The following KSR2 variants were observed in gnomAD, a reference collection of about 807,000 sequenced individuals.
KSR2 encodes the protein kinase suppressor of ras 2.
In KSR2, 25 loss-of-function variants were observed where a neutral mutation model predicts 107.8. The ratio of observed to expected loss-of-function variants is 0.23; its 90% confidence interval spans 0.17 to 0.32. KSR2 has a LOEUF of 0.32. Ranked by LOEUF, KSR2 falls within the 10% of genes least tolerant of loss-of-function variation. KSR2 has a pLI of 1.00. For missense variants in KSR2, 887 were observed against 1,268.9 expected, an observed-to-expected ratio of 0.70 and a Z score of 4.57; for synonymous variants, 480 against 507.0, an observed-to-expected ratio of 0.95 and a Z score of 0.71.
chr12:117,484,681 T>C, intron 15 of KSR2, 132 bp from the exon 16 acceptor site: 1 of 891,394 alleles, frequency 1.1e-6, no homozygotes, highest in Non-Finnish European at 1.7e-6. Flanking sequence ...AGGCAGGGCC[T>C]GGGGTCTGAC....
intron 14 of KSR2, among the ~76,000 whole-genome samples, chr12:117,496,179 G>A (rs1239800109): frequency 2.0e-5 from 3 of 152,168 alleles, no homozygotes; most frequent in Non-Finnish European, 4.4e-5. Flanking sequence ...CCAAGCTGCT[G>A]GGCATCTGGG....
Position 117,961,491 on chromosome 12 carries a change from A to G in KSR2, c.180+6585T>C, listed in dbSNP as rs145198478. 3.9e-3 allele frequency among the ~76,000 whole-genome samples: 598 copies of G among 152,270 alleles called. 7 individuals are homozygous for G. Among genetic ancestry groups the G allele is most frequent in the South Asian group, 0.036 (172 of 4,826 alleles). On this transcript the variant is annotated intron_variant, in intron 1 of 19. Coordinates refer to ENST00000339824, the MANE Select transcript of KSR2 (RefSeq NM_173598.6). Reference sequence around the variant, plus strand: ...TACCCAGGCTGGCCATGGGACTTATATTATCTCACAACTCCAGTGGAAGTA... The same window carrying G: ...TACCCAGGCTGGCCATGGGACTTATGTTATCTCACAACTCCAGTGGAAGTA...
intron 3 of KSR2, among the ~76,000 whole-genome samples, chr12:117,807,669 T>C (rs1408435620): frequency 1.3e-5 from 2 of 152,250 alleles, no homozygotes; most frequent in African/African-American, 2.4e-5. Context: ...CTACACATCT[T>C]GAATTCTTTG....
At position 117,626,654 on chromosome 12, in the gene KSR2, T is replaced by G. The variant is rs377060310; in HGVS notation, c.1171+40820A>C. Among the ~76,000 whole-genome samples, 54 of 152,322 alleles carry G rather than the reference T, an allele frequency of 3.5e-4. No homozygotes were observed. In the East Asian group the frequency reaches 5.2e-3, roughly 15 times the overall value. On this transcript the variant is annotated intron_variant, in intron 5 of 19. Transcript: ENST00000339824. ...GTGATCAATTTTAGAATAAGTGCGA[T>G]GTGGTGCTGAGAAGAATGTATACTC...
intron 3 of KSR2, among the ~76,000 whole-genome samples, chr12:117,772,316 A>G (rs1889512811): frequency 7.1e-6 from 1 of 140,446 alleles, no homozygotes; most frequent in Non-Finnish European, 1.5e-5. Flanking sequence ...CCAAAGACGC[A>G]CAAACACACA....
chr12:117,488,381 A>G (rs912309939), intron 14 of KSR2, among the ~76,000 whole-genome samples: 1 of 152,206 alleles, frequency 6.6e-6, no homozygotes, highest in Non-Finnish European at 1.5e-5. Flanking sequence ...TATCTGTTGA[A>G]ATCCCAAACT....
chr12:117,505,716 G>A (rs1873639282), intron 14 of KSR2, among the ~76,000 whole-genome samples: 2 of 152,136 alleles, frequency 1.3e-5, no homozygotes. Flanking sequence ...CCCCCAGTTG[G>A]CACCATTTGC....
At chr12:117,577,706 A>G (rs1262382734) in intron 7 of KSR2, among the ~76,000 whole-genome samples, 1 of 152,160 alleles carries the variant, frequency 6.6e-6, no homozygotes, top group Non-Finnish European at 1.5e-5. Context: ...TTATAAAACC[A>G]TCAGATCCCA....
chr12:117,957,526 G>A (rs1896549295), intron 1 of KSR2, among the ~76,000 whole-genome samples: 1 of 152,068 alleles, frequency 6.6e-6, no homozygotes, highest in Non-Finnish European at 1.5e-5. Context: ...GCACACGGTG[G>A]GCAAGAAGGA....
chr12:117,491,411 C>G (rs1281291186), intron 14 of KSR2, among the ~76,000 whole-genome samples: 1 of 152,124 alleles, frequency 6.6e-6, no homozygotes, highest in African/African-American at 2.4e-5. Context: ...AACTCCTGAC[C>G]TCAGGTGATG....
At chr12:117,678,102 ATT>A (rs35096843) in intron 4 of KSR2, among the ~76,000 whole-genome samples, 23,340 of 127,842 alleles carry the variant, frequency 0.18, 1,954 homozygotes, top group African/African-American at 0.3. Flanking sequence ...AGCCCAGCTA[ATT>A]TTTTTTTTTT....
At position 117,746,577 on chromosome 12, in the gene KSR2, C is replaced by G. The variant is rs180686481; in HGVS notation, c.986+14434G>C. On this transcript the variant is annotated intron_variant, in intron 4 of 19. Transcript: ENST00000339824. ...CAATTGCAATAAAAGTCAAATTTGACAAATGGAGTCTAATTAAACTAAAGA... is the reference window on the plus strand; with the variant it reads ...CAATTGCAATAAAAGTCAAATTTGAGAAATGGAGTCTAATTAAACTAAAGA... Among the ~76,000 whole-genome samples the G allele has an allele frequency of 2.6e-3, 398 of 152,180 alleles. 4 individuals carry two copies. Among genetic ancestry groups the G allele is most frequent in the African/African-American group, 8.6e-3 (357 of 41,532 alleles).
At chr12:117,846,747 A>C (rs924516412) in intron 3 of KSR2, among the ~76,000 whole-genome samples, 5 of 152,276 alleles carry the variant, frequency 3.3e-5, no homozygotes, top group African/African-American at 1.2e-4. Context: ...GAACAACTTG[A>C]AACATGGCTC....
At chr12:117,741,950 T>A (rs1034841064) in intron 4 of KSR2, among the ~76,000 whole-genome samples, 2 of 152,236 alleles carry the variant, frequency 1.3e-5, no homozygotes, top group African/African-American at 2.4e-5. Context: ...GAATTTCAAC[T>A]GGTGAGAGAG....
At chr12:117,515,806 A>G (rs1364083334) in intron 14 of KSR2, among the ~76,000 whole-genome samples, 5 of 152,204 alleles carry the variant, frequency 3.3e-5, no homozygotes, top group Admixed American at 2.0e-4. Flanking sequence ...TGTGCCTGTA[A>G]TCCCAGCTGC....
chr12:117,837,758 C>A (rs1224739422), intron 3 of KSR2, among the ~76,000 whole-genome samples: 1 of 152,146 alleles, frequency 6.6e-6, no homozygotes, highest in Non-Finnish European at 1.5e-5. Context: ...AACAAAGGCG[C>A]TAAAGAAAGA....
chr12:117,919,022 A>G (rs1895266767), intron 1 of KSR2, among the ~76,000 whole-genome samples: 1 of 151,856 alleles, frequency 6.6e-6, no homozygotes, highest in South Asian at 2.1e-4. Context: ...TAGTAGTCCC[A>G]GCTAACTCAG....
At chr12:117,519,785 T>TGTGTGTGTGTGCAC (rs1354889864) in intron 14 of KSR2, among the ~76,000 whole-genome samples, 1,968 of 150,792 alleles carry the variant, frequency 0.013, 37 homozygotes, top group African/African-American at 0.045. Context: ...TGTGTGTGCG[T>TGTGTGTGTGTGCAC]GTGTGTGTGT....
chr12:117,833,414 G>T (rs1316193545), intron 3 of KSR2, among the ~76,000 whole-genome samples: 1 of 152,162 alleles, frequency 6.6e-6, no homozygotes, highest in Non-Finnish European at 1.5e-5. Flanking sequence ...CCAGGCAGGA[G>T]TGCAGTGGCA....
Sources: gnomAD v4.1 joint callset for allele counts (sites outside exome capture counted in the v4.1 genomes callset) on GRCh38, gnomAD v4.1.1 for gene constraint, MANE v1.5 for transcripts, NCBI Gene and HGNC (gene_info 2026-07-23, HGNC 2026-07-21) for gene names.